DAGLA: variants seen among roughly 807,000 people sequenced by gnomAD.
DAGLA encodes diacylglycerol lipase-alpha.
Under a neutral mutation model 102.6 loss-of-function variants are expected in DAGLA, and 22 were observed. The ratio of observed to expected loss-of-function variants is 0.21; its 90% CI spans 0.15 to 0.31. The LOEUF is 0.31. Among genes scored for constraint, DAGLA ranks in the 10% least tolerant of loss-of-function variants. The pLI is 1.00. For missense variants in DAGLA, 927 were observed against 1,446.6 expected, an observed-to-expected ratio of 0.64 and a Z score of 5.83; for synonymous variants, 578 against 628.9, an observed-to-expected ratio of 0.92 and a Z score of 1.21.
rs1031022326 is a variant in DAGLA at position 61,686,676 on chromosome 11, G to A, written c.-45+6172G>A. On this transcript the variant is annotated intron_variant, in intron 1 of 19. Transcript: ENST00000257215. This position sits in a 1 kb window ranked among gnomAD's most constrained non-coding sequence, Gnocchi z 5.2. The stretch of plus-strand genomic sequence containing the variant: ...GCGGCTCTGGGGTGGAGGTCGGGAC[G>A]GTGGCCCTCCGCTGTGTAAGGTGAG... Among the ~76,000 whole-genome samples the A allele has an allele frequency of 4.6e-5, 7 of 152,188 alleles. No homozygotes were observed. The highest frequency in any genetic ancestry group is 2.6e-4 in the Admixed American group (4 of 15,274).
intron 1 of DAGLA, among the ~76,000 whole-genome samples, chr11:61,683,404 C>T (rs1469840106): frequency 1.3e-5 from 2 of 152,210 alleles, no homozygotes; most frequent in Non-Finnish European, 2.9e-5. Flanking sequence ...CTCACCCGCT[C>T]CCTGCAGTGC....
chr11:61,704,429 G>T (rs535715280), intron 1 of DAGLA, among the ~76,000 whole-genome samples: 1 of 152,294 alleles, frequency 6.6e-6, no homozygotes, highest in South Asian at 2.1e-4. Flanking sequence ...CCGACCAAAG[G>T]ATTTCTTTAT....
intron 1 of DAGLA, among the ~76,000 whole-genome samples, chr11:61,698,575 C>T (rs2065084961): frequency 6.6e-6 from 1 of 152,192 alleles, no homozygotes; most frequent in African/African-American, 2.4e-5. Context: ...CCTCGTACCC[C>T]ACCTGCTTCC....
intron 8 of DAGLA, among the ~76,000 whole-genome samples, chr11:61,729,567 T>C (rs2065357879): frequency 6.6e-6 from 1 of 152,088 alleles, no homozygotes. Context: ...AGGAAGCAAA[T>C]GGCTGGAGCG....
At chr11:61,735,876 G>A (rs186665594) in intron 12 of DAGLA, 60 bp downstream of exon 12, 1 of 1,481,274 alleles carries the variant, frequency 6.8e-7, no homozygotes, top group African/African-American at 1.4e-5. Context: ...CCAGTGTGCA[G>A]AGGCGTGTAT....
chr11:61,695,366 T>C (rs2065057106), intron 1 of DAGLA, among the ~76,000 whole-genome samples: 1 of 152,218 alleles, frequency 6.6e-6, no homozygotes, highest in Admixed American at 6.5e-5. Flanking sequence ...CCCGGTTTCC[T>C]TGTTATTCTG....
chr11:61,738,002 A>C (rs2065440216), intron 15 of DAGLA, 133 bp from the exon 16 acceptor site: 2 of 743,522 alleles, frequency 2.7e-6, no homozygotes, highest in Non-Finnish European at 4.5e-6. Flanking sequence ...ACACCTCTCC[A>C]CCCCGTGACC....
Position 61,728,290 on chromosome 11 carries a change from G to T in DAGLA, c.771+3G>T. On this transcript the variant is annotated splice_donor_region_variant and intron_variant, in intron 7 of 19. Coordinates refer to ENST00000257215, the MANE Select transcript of DAGLA (RefSeq NM_006133.3). The stretch of plus-strand genomic sequence containing the variant: ...AGCGCAACGCCGTGCTGGACGAGGT[G>T]AGCACCACCAGCCCCTTCTCCAGGT... 1 of 1,609,692 alleles carries T rather than the reference G, an allele frequency of 6.2e-7. No individual in the cohort carries two copies. The highest frequency in any genetic ancestry group is 1.1e-5 in the South Asian group (1 of 90,946).
intron 1 of DAGLA, among the ~76,000 whole-genome samples, chr11:61,693,764 C>G (rs1313752762): frequency 6.6e-6 from 1 of 152,264 alleles, no homozygotes; most frequent in African/African-American, 2.4e-5. Context: ...CAGACTCCCC[C>G]ACTGGGGTGA....
In DAGLA at chr11:61,717,330, G is replaced by A. The variant is rs906353192; in HGVS notation, c.-44-2782G>A. On this transcript the variant is annotated intron_variant, in intron 1 of 19. Coordinates refer to ENST00000257215, the MANE Select transcript of DAGLA (RefSeq NM_006133.3). ...ATGAATTGGCCTGGAGAGTGGTGCA[G>A]CCCACCCCCAACCCTTATGCAGCAC... 4.6e-5 allele frequency among the ~76,000 whole-genome samples: 7 copies of A among 152,086 alleles called. No homozygotes were observed. In the East Asian group the frequency reaches 5.8e-4, roughly 13 times the overall value.
At chr11:61,743,507 C>A in intron 19 of DAGLA, 25 bp from the exon 20 acceptor site, 2 of 1,496,948 alleles carry the variant, frequency 1.3e-6, no homozygotes, top group South Asian at 2.7e-5. Flanking sequence ...AGTCTTATAC[C>A]CCCTGCTCTC....
At chr11:61,739,878 G>A (rs1453181960) in intron 17 of DAGLA, among the ~76,000 whole-genome samples, 1 of 152,218 alleles carries the variant, frequency 6.6e-6, no homozygotes, top group Non-Finnish European at 1.5e-5. Flanking sequence ...TCTCTCCATA[G>A]TCTGGCTTTG....
At chr11:61,683,619 T>G (rs1296152559) in intron 1 of DAGLA, among the ~76,000 whole-genome samples, 5 of 152,096 alleles carry the variant, frequency 3.3e-5, no homozygotes, top group Non-Finnish European at 5.9e-5. Context: ...AGGAGCCCTT[T>G]TCAGCCACCC....
At chr11:61,742,102 C>T (rs931874280) in intron 19 of DAGLA, among the ~76,000 whole-genome samples, 9 of 152,210 alleles carry the variant, frequency 5.9e-5, no homozygotes, top group Non-Finnish European at 1.2e-4. Context: ...TACAAGGACA[C>T]ATGTGGACAG....
Position 61,737,309 on chromosome 11 carries a change from C to A in DAGLA, c.1499C>A (p.Pro500Gln). The A allele has an allele frequency of 6.2e-7, 1 of 1,611,520 alleles. No homozygotes were observed. Among genetic ancestry groups the A allele is most frequent in the Non-Finnish European group, 8.5e-7 (1 of 1,180,024 alleles). ...CTCAAGTGCTTTGCCTACTCCCCGC[C>A]AGGGGGCCTGCTGAGGTGAGCCATC... ...PTLKCFAYSP[P>Q]GGLLSEDAME... The change falls in exon 14 of 20, where the codon CCA (proline) becomes CAA (glutamine). Residue 500 changes from proline to glutamine, a missense_variant. Pro to Gln is a moderately conservative substitution (Grantham distance 76). Transcript: ENST00000257215.
chr11:61,701,681 G>A (rs573609490), intron 1 of DAGLA, among the ~76,000 whole-genome samples: 13 of 152,342 alleles, frequency 8.5e-5, no homozygotes, highest in African/African-American at 2.6e-4. Context: ...TCACAGGGAA[G>A]GGGGTGGATG....
At position 61,743,896 on chromosome 11, in the gene DAGLA, C is replaced by A. The variant is rs1379383552; in HGVS notation, c.2536C>A (p.Leu846Met). ...SRTELLAADS[L>M]SKHSQDTQPL... ...CACTGAGCTGCTGGCGGCCGACAGC[C>A]TGTCCAAGCACTCACAGGACACGCA... Residue 846 changes from leucine to methionine, a missense_variant, in exon 20 of 20, where the codon CTG becomes ATG. This residue lies in a region of DAGLA where 434 missense variants were observed against 503.3 expected (regional missense o/e 0.86). Coordinates refer to ENST00000257215, the MANE Select transcript of DAGLA (RefSeq NM_006133.3). 6.2e-7 allele frequency: 1 copy of A among 1,612,270 alleles called. No individual in the cohort carries two copies. Among genetic ancestry groups the A allele is most frequent in the Admixed American group, 1.7e-5 (1 of 60,000 alleles).
intron 19 of DAGLA, 135 bp downstream of exon 19, chr11:61,741,484 C>CACAGAGGG: frequency 1.0e-6 from 1 of 996,768 alleles, no homozygotes; most frequent in Non-Finnish European, 1.4e-6. Context: ...AACTCACCCT[C>CACAGAGGG]TGTGCTCTAG....
At chr11:61,714,757 G>A (rs2065223387) in intron 1 of DAGLA, among the ~76,000 whole-genome samples, 1 of 152,218 alleles carries the variant, frequency 6.6e-6, no homozygotes, top group Admixed American at 6.5e-5. Context: ...CATGAAAGGG[G>A]ACAGTGGGAC....
Sources: allele counts gnomAD v4.1 joint callset (sites outside exome capture counted in the v4.1 genomes callset), GRCh38; gene constraint gnomAD v4.1.1; regional missense constraint gnomAD v4.1.1; non-coding constraint Gnocchi (gnomAD v3.1); transcripts MANE v1.5; gene names NCBI Gene and HGNC (gene_info 2026-07-23, HGNC 2026-07-21).